TRAPPC8: variants seen among roughly 807,000 people sequenced by gnomAD.
The protein encoded by TRAPPC8 is trafficking protein particle complex subunit 8, also known as general sporulation gene 1 homolog.
TRAPPC8 carries 54 observed loss-of-function variants against 174.3 expected under a neutral mutation model. The observed-to-expected ratio is 0.31, with a 90% CI of 0.25 to 0.39. TRAPPC8 has a LOEUF of 0.39. TRAPPC8 is among the 10% of genes least tolerant of loss of function. TRAPPC8 has a pLI of 1.00. For synonymous variants in TRAPPC8, 630 were observed against 579.9 expected (o/e 1.09, Z -1.24); for missense variants, 1,531 against 1,699.1 (o/e 0.90, Z 1.74).
rs528875102 is a variant in TRAPPC8, at chr18:31,857,618, C to A, written c.3110G>T (p.Arg1037Leu). The change falls in exon 20 of 29, where the codon CGT becomes CTT. Residue 1037 changes from arginine (R) to leucine (L), a missense_variant. By Grantham distance (102) the Arg-to-Leu change is moderately radical. Transcript: ENST00000283351. ...GASVQLPMWLRGPDEEGVHEI... is the reference protein window; with the variant it reads ...GASVQLPMWLLGPDEEGVHEI... ...ATGGACACCTTCTTCATCAGGCCCACGTAACCACATTGGCAGCTGCACTGA... is the reference window on the plus strand; with the variant it reads ...ATGGACACCTTCTTCATCAGGCCCAAGTAACCACATTGGCAGCTGCACTGA... 1 of 1,614,056 alleles carries A rather than the reference C, an allele frequency of 6.2e-7. No homozygotes were observed. The highest frequency in any genetic ancestry group is 1.3e-5 in the African/African-American group (1 of 75,026).
intron 1 of TRAPPC8, among the ~76,000 whole-genome samples, chr18:31,939,174 G>A (rs759391196): frequency 1.4e-5 from 2 of 147,890 alleles, no homozygotes; most frequent in Non-Finnish European, 3.0e-5. Flanking sequence ...ATTCTAAAAT[G>A]TATTTATACC....
At position 31,876,489 on chromosome 18, in the gene TRAPPC8, C is replaced by CAAAAA. The variant is rs71175801; in HGVS notation, c.1729-1790_1729-1786dup. Among the ~76,000 whole-genome samples, 70 of 48,688 alleles carry CAAAAA rather than the reference C, an allele frequency of 1.4e-3. 9 individuals carry two copies. The highest frequency in any genetic ancestry group is 4.7e-3 in the African/African-American group (50 of 10,622). 31.9% of individuals were successfully genotyped at this position (48,688 alleles called of 152,430 possible). ...TGGGCTACACTGCGAGACTCCATCT[C>CAAAAA]AAAAAAAAAAAAAAAAAAAAAAAGA... On this transcript the variant is annotated intron_variant, in intron 12 of 28. Coordinates refer to ENST00000283351, the MANE Select transcript of TRAPPC8 (RefSeq NM_014939.5).
At chr18:31,856,688 C>T (rs545054857) in intron 20 of TRAPPC8, among the ~76,000 whole-genome samples, 2 of 151,986 alleles carry the variant, frequency 1.3e-5, no homozygotes, top group African/African-American at 2.4e-5. Flanking sequence ...GAACTAACTA[C>T]ATTCAGTTTG....
At chr18:31,841,891 AT>A (rs1319067112) in intron 26 of TRAPPC8, among the ~76,000 whole-genome samples, 1 of 152,216 alleles carries the variant, frequency 6.6e-6, no homozygotes, top group Non-Finnish European at 1.5e-5. Context: ...ATTTAAAAAA[AT>A]AAACTATCTC....
intron 27 of TRAPPC8, among the ~76,000 whole-genome samples, chr18:31,835,702 G>C (rs1415572605): frequency 6.6e-6 from 1 of 152,148 alleles, no homozygotes; most frequent in Non-Finnish European, 1.5e-5. Flanking sequence ...GGTTACTGTG[G>C]TAACTGTGAG....
intron 1 of TRAPPC8, among the ~76,000 whole-genome samples, chr18:31,941,574 CTTTG>C (rs1050664197): frequency 3.0e-4 from 45 of 152,252 alleles, no homozygotes; most frequent in African/African-American, 1.0e-3. Context: ...AGTTTCCAAA[CTTTG>C]TTTTTTTGGA....
intron 19 of TRAPPC8, among the ~76,000 whole-genome samples, chr18:31,863,564 G>T (rs960717916): frequency 6.6e-6 from 1 of 152,146 alleles, no homozygotes; most frequent in Non-Finnish European, 1.5e-5. Context: ...GCAAGTACAG[G>T]ATAAAACGTG....
At chr18:31,935,863 G>A (rs899224208) in intron 1 of TRAPPC8, among the ~76,000 whole-genome samples, 3 of 151,634 alleles carry the variant, frequency 2.0e-5, no homozygotes, top group African/African-American at 7.3e-5. Flanking sequence ...AGCCTCCCGA[G>A]TAGCTGGGAT....
chr18:31,932,089 A>T (rs947365507), intron 1 of TRAPPC8, among the ~76,000 whole-genome samples: 1 of 152,094 alleles, frequency 6.6e-6, no homozygotes, highest in Non-Finnish European at 1.5e-5. Context: ...TTTCTGCTCA[A>T]ATTTGCCATT....
At chr18:31,869,340 G>C (rs867806542) in intron 16 of TRAPPC8, among the ~76,000 whole-genome samples, 1 of 152,134 alleles carries the variant, frequency 6.6e-6, no homozygotes, top group African/African-American at 2.4e-5. Flanking sequence ...AAATAAAACA[G>C]TTAAGATGGC....
At chr18:31,928,174 A>AAAATAAAATAAAATTAAAATT (rs2037702004) in intron 2 of TRAPPC8, among the ~76,000 whole-genome samples, 1 of 149,580 alleles carries the variant, frequency 6.7e-6, no homozygotes, top group Non-Finnish European at 1.5e-5. Context: ...AAAATAAAAT[A>AAAATAAAATAAAATTAAAATT]AAATAAAATA....
intron 12 of TRAPPC8, among the ~76,000 whole-genome samples, chr18:31,878,471 C>A (rs1379326067): frequency 6.6e-6 from 1 of 152,108 alleles, no homozygotes; most frequent in Non-Finnish European, 1.5e-5. Flanking sequence ...AAATTTGTCA[C>A]CACCCGACCA....
chr18:31,898,481 G>A (rs2036275764), intron 10 of TRAPPC8, among the ~76,000 whole-genome samples: 1 of 152,192 alleles, frequency 6.6e-6, no homozygotes, highest in Non-Finnish European at 1.5e-5. Flanking sequence ...ACTGGTTCCA[G>A]AACCTATTTA....
rs540901992 is a variant in TRAPPC8, at chr18:31,855,798, T to C, written c.3198A>G (p.Ile1066Met). 1 of 1,587,972 alleles carries C rather than the reference T, an allele frequency of 6.3e-7. No homozygotes were observed. The highest frequency in any genetic ancestry group is 8.5e-7 in the Non-Finnish European group (1 of 1,174,306). ...TACAAATAATTGCAGTGTGTCTTAA[T>C]ATTCTGTGCCTGAAGTTAAAAAAAA... ...VKKQPKIRHR[I>M]LRHTAIICTS... Residue 1066 changes from isoleucine to methionine, a missense_variant, in exon 21 of 29, where the codon ATA (isoleucine) becomes ATG (methionine). Physicochemically the swap from Ile to Met is conservative, Grantham distance 10. Coordinates refer to ENST00000283351, the MANE Select transcript of TRAPPC8 (RefSeq NM_014939.5).
chr18:31,881,115 T>A (rs1363064691), intron 12 of TRAPPC8, among the ~76,000 whole-genome samples: 1 of 151,964 alleles, frequency 6.6e-6, no homozygotes, highest in Non-Finnish European at 1.5e-5. Flanking sequence ...ATAAATAATG[T>A]CATTTTCCAC....
At chr18:31,882,395 T>C (rs536203158) in intron 12 of TRAPPC8, among the ~76,000 whole-genome samples, 1 of 152,000 alleles carries the variant, frequency 6.6e-6, no homozygotes, top group East Asian at 1.9e-4. Context: ...AAGTGGGAGC[T>C]AAACAATGGG....
intron 26 of TRAPPC8, among the ~76,000 whole-genome samples, chr18:31,845,774 G>A (rs1177041702): frequency 2.6e-5 from 4 of 151,734 alleles, no homozygotes; most frequent in Non-Finnish European, 5.9e-5. Context: ...TCAGGTCCAC[G>A]GTGAAATAAA....
rs961744970 is a variant in TRAPPC8 at position 31,931,259 on chromosome 18, A to G, written c.352+70T>C. On this transcript the variant is annotated intron_variant, in intron 2 of 28. Transcript: ENST00000283351. ...TTAAATACATGTTGATCATCTCCCA[A>G]GTCATAGAATCGCTTTTTCTAACAA... 9 of 1,388,420 alleles carry G rather than the reference A, an allele frequency of 6.5e-6. No individual in the cohort carries two copies. The African/African-American group carries it at 1.3e-4, about 20-fold the overall frequency. 86.0% of individuals were successfully genotyped at this position (1,388,420 alleles called of 1,614,324 possible). A position where few individuals can be genotyped will look rare whatever the true frequency, so the allele number is the denominator to read the frequency against.
At chr18:31,924,835 G>C (rs146793762) in intron 2 of TRAPPC8, among the ~76,000 whole-genome samples, 1 of 150,884 alleles carries the variant, frequency 6.6e-6, no homozygotes, top group Middle Eastern at 3.2e-3. Flanking sequence ...CAATCCTCCC[G>C]TATGAGGAGA....
Sources: allele counts gnomAD v4.1 joint callset (sites outside exome capture counted in the v4.1 genomes callset), GRCh38; gene constraint gnomAD v4.1.1; transcripts MANE v1.5; gene names NCBI Gene and HGNC (gene_info 2026-07-23, HGNC 2026-07-21).